ZRANB3: variants seen among roughly 807,000 people sequenced by gnomAD.
The protein encoded by ZRANB3 is zinc finger RANBP2-type containing 3.
A neutral mutation model predicts 133.8 loss-of-function variants in ZRANB3; 125 were observed. That is an observed-to-expected ratio of 0.93 (90% CI 0.81 to 1.08). ZRANB3 has a LOEUF of 1.08. Ranked by LOEUF, ZRANB3 falls within the 50% of genes least tolerant of loss-of-function variation. The pLI, the probability that ZRANB3 is intolerant of heterozygous loss-of-function variation, is 0.00. For synonymous variants in ZRANB3, 387 were observed against 432.7 expected (o/e 0.89, Z 1.31); for missense variants, 1,229 against 1,275.5 (o/e 0.96, Z 0.56).
At chr2:135,317,493 T>C (rs922248388) in intron 6 of ZRANB3, among the ~76,000 whole-genome samples, 1 of 152,218 alleles carries the variant, frequency 6.6e-6, no homozygotes. Flanking sequence ...TGTACAGGTG[T>C]GCAGTATGCT....
intron 10 of ZRANB3, 37 bp downstream of exon 10, chr2:135,271,731 A>G: frequency 6.3e-7 from 1 of 1,580,410 alleles, no homozygotes; most frequent in Non-Finnish European, 8.6e-7. Flanking sequence ...TATTTCAATG[A>G]CATTTCATAA....
At position 135,199,887 on chromosome 2, in the gene ZRANB3, G is replaced by C. The variant is rs143920184; in HGVS notation, c.*455C>G. The stretch of plus-strand genomic sequence containing the variant: ...TCTCTCTTGAATCCTAAGCAGGCTG[G>C]TCATGCTTGGCCCAGAATTCCCAAA... On this transcript the variant is annotated 3_prime_UTR_variant, in exon 21 of 21. Coordinates refer to ENST00000264159, the MANE Select transcript of ZRANB3 (RefSeq NM_032143.4). The C allele has an allele frequency of 8.7e-4, 160 of 183,896 alleles. No homozygotes were observed. The highest frequency in any genetic ancestry group is 3.5e-3 in the African/African-American group (148 of 41,782). 11.4% of individuals were successfully genotyped at this position (183,896 alleles called of 1,614,324 possible).
intron 3 of ZRANB3, among the ~76,000 whole-genome samples, chr2:135,358,627 A>C (rs1274735648): frequency 2.6e-5 from 4 of 152,234 alleles, no homozygotes; most frequent in African/African-American, 9.6e-5. Context: ...ACCAATTAAG[A>C]AATATGAAGT....
At chr2:135,238,688 A>T (rs1278601877) in intron 12 of ZRANB3, 1 of 152,356 alleles carries the variant, frequency 6.6e-6, no homozygotes, top group African/African-American at 2.4e-5. Flanking sequence ...TTCTGAGGCT[A>T]GGTCATTGAA....
chr2:135,457,688 T>C (rs1458917010), intron 2 of ZRANB3, among the ~76,000 whole-genome samples: 2 of 152,130 alleles, frequency 1.3e-5, no homozygotes. Context: ...TTTCAAATAT[T>C]TGTTCCTAGT....
chr2:135,342,324 C>A (rs1684713161), intron 6 of ZRANB3, among the ~76,000 whole-genome samples: 1 of 150,062 alleles, frequency 6.7e-6, no homozygotes, highest in Admixed American at 6.6e-5. Flanking sequence ...AGGCGTGAGC[C>A]ACCACGCCTG....
At chr2:135,269,878 T>C (rs1354249756) in intron 10 of ZRANB3, among the ~76,000 whole-genome samples, 3 of 152,200 alleles carry the variant, frequency 2.0e-5, no homozygotes, top group East Asian at 3.8e-4. Context: ...AGCAGTAAAA[T>C]GACATTAGGT....
At chr2:135,506,885 A>G (rs1693213765) in intron 1 of ZRANB3, among the ~76,000 whole-genome samples, 1 of 152,240 alleles carries the variant, frequency 6.6e-6, no homozygotes, top group Non-Finnish European at 1.5e-5. Flanking sequence ...TTTAGAAATG[A>G]TTTATGAGTC....
chr2:135,311,682 C>T (rs1159823945), intron 8 of ZRANB3, among the ~76,000 whole-genome samples: 1 of 151,984 alleles, frequency 6.6e-6, no homozygotes, highest in Non-Finnish European at 1.5e-5. Flanking sequence ...CCCAGGTGTT[C>T]GAAACTGCAG....
chr2:135,369,806 T>C (rs888886412), intron 3 of ZRANB3, among the ~76,000 whole-genome samples: 4 of 152,162 alleles, frequency 2.6e-5, no homozygotes, highest in Admixed American at 1.3e-4. Flanking sequence ...GTTTTTTCAA[T>C]GCTGGTTTTC....
chr2:135,283,681 C>G (rs1681207966), intron 8 of ZRANB3, among the ~76,000 whole-genome samples: 1 of 151,504 alleles, frequency 6.6e-6, no homozygotes. Context: ...ACTCCATCCA[C>G]TAGTCATGAC....
chr2:135,242,498 A>AG (rs1163109372), intron 12 of ZRANB3, among the ~76,000 whole-genome samples: 4 of 150,596 alleles, frequency 2.7e-5, no homozygotes, highest in African/African-American at 4.9e-5. Context: ...AGTGTTACCC[A>AG]GGGGGGGCTC....
At chr2:135,241,384 C>T (rs1215959730) in intron 12 of ZRANB3, among the ~76,000 whole-genome samples, 6 of 144,462 alleles carry the variant, frequency 4.2e-5, no homozygotes, top group Non-Finnish European at 7.5e-5. Flanking sequence ...TTTTTTTTAC[C>T]GTATTCTCAT....
Position 135,467,370 on chromosome 2 carries a change from G to A in ZRANB3, c.161+36959C>T, listed in dbSNP as rs187526452. Among the ~76,000 whole-genome samples the A allele has an allele frequency of 5.9e-5, 9 of 152,238 alleles. No homozygotes were observed. The South Asian group carries it at 1.2e-3, about 21-fold the overall frequency. On this transcript the variant is annotated intron_variant, in intron 2 of 20. Transcript: ENST00000264159. Reference sequence around the variant, plus strand: ...TAAGGTTGTTGTTTCAGGTATATCCGGGATACTTAAAGGACAATGTGCACA... The same window carrying A: ...TAAGGTTGTTGTTTCAGGTATATCCAGGATACTTAAAGGACAATGTGCACA...
chr2:135,458,550 C>T (rs1354060212), intron 2 of ZRANB3, among the ~76,000 whole-genome samples: 4 of 152,088 alleles, frequency 2.6e-5, no homozygotes, highest in Non-Finnish European at 5.9e-5. Context: ...TTACATACCA[C>T]GTTAACCACT....
At chr2:135,455,219 G>A (rs576936569) in intron 2 of ZRANB3, among the ~76,000 whole-genome samples, 5 of 52,420 alleles carry the variant, frequency 9.5e-5, no homozygotes, top group Admixed American at 6.3e-4. Context: ...ACGGAGTTTT[G>A]CTCTTGTTGC....
intron 2 of ZRANB3, among the ~76,000 whole-genome samples, chr2:135,398,455 G>C (rs942902381): frequency 6.7e-6 from 1 of 150,318 alleles, no homozygotes; most frequent in Non-Finnish European, 1.5e-5. Flanking sequence ...ACATTTCATT[G>C]TATCTTTTTG....
At chr2:135,468,242 T>C (rs1233106087) in intron 2 of ZRANB3, among the ~76,000 whole-genome samples, 1 of 152,216 alleles carries the variant, frequency 6.6e-6, no homozygotes, top group Non-Finnish European at 1.5e-5. Context: ...CTGGAATATA[T>C]GTGGATTACT....
chr2:135,480,501 A>C (rs1431576698), intron 2 of ZRANB3, among the ~76,000 whole-genome samples: 1 of 152,178 alleles, frequency 6.6e-6, no homozygotes, highest in Non-Finnish European at 1.5e-5. Flanking sequence ...AAAACAATGA[A>C]AGAAATTAGG....
Sources: allele counts gnomAD v4.1 joint callset (sites outside exome capture counted in the v4.1 genomes callset), GRCh38; gene constraint gnomAD v4.1.1; transcripts MANE v1.5; gene names NCBI Gene and HGNC (gene_info 2026-07-23, HGNC 2026-07-21).